Variants in SLC12A6 observed in about 807,000 individuals in gnomAD.
SLC12A6 encodes K-Cl cotransporter 3.
SLC12A6 carries 66 observed loss-of-function variants against 135.3 expected under a neutral mutation model. The observed-to-expected ratio is 0.49, with a 90% confidence interval of 0.40 to 0.60. The LOEUF is 0.60. SLC12A6 is among the 20% of genes least tolerant of loss of function. SLC12A6 has a pLI of 0.00. For missense variants in SLC12A6, 1,058 were observed against 1,452.3 expected (o/e 0.73, Z 4.41); for synonymous variants, 513 against 508.8 (o/e 1.01, Z -0.11).
chr15:34,232,268 C>T lies in SLC12A6; in HGVS notation c.*1613G>A, dbSNP rs563529688. ...CTTTTTGAAACATATCACTCTGTTA[C>T]CCAGGCTGGAGTGCAGAGGTGCAAT... On this transcript the variant is annotated 3_prime_UTR_variant, in exon 26 of 26. Transcript: ENST00000354181. The T allele has an allele frequency of 6.6e-6, 1 of 152,226 alleles. No homozygotes were observed. The highest frequency in any genetic ancestry group is 1.5e-5 in the Non-Finnish European group (1 of 68,068). The allele number at this position is 152,226 out of a possible 1,614,324, so 9.4% of individuals were successfully genotyped here. A position where few individuals can be genotyped will look rare whatever the true frequency, so the allele number is the denominator to read the frequency against.
chr15:34,238,470 G>T, intron 20 of SLC12A6, 69 bp from the exon 21 acceptor site: 1 of 1,184,940 alleles, frequency 8.4e-7, no homozygotes. Context: ...TGTCAGGAAA[G>T]CAAGGAAATG....
chr15:34,309,919 T>C (rs1888032231), intron 2 of SLC12A6, among the ~76,000 whole-genome samples: 1 of 152,184 alleles, frequency 6.6e-6, no homozygotes, highest in Admixed American at 6.5e-5. Flanking sequence ...TTTCAATCAC[T>C]ATAGAAAAGA....
At position 34,239,012 on chromosome 15, in the gene SLC12A6, T is replaced by C. The variant is rs1339636210; in HGVS notation, c.2585A>G (p.Asn862Ser). The C allele has an allele frequency of 1.9e-6, 3 of 1,614,058 alleles. No individual in the cohort carries two copies. Residue 862 changes from asparagine to serine, a missense_variant, in exon 20 of 26, where the codon AAT becomes AGT. This residue lies in a region of SLC12A6 where 245 missense variants were observed against 440.8 expected (regional missense o/e 0.56). Transcript: ENST00000354181. The part of the protein sequence containing the change: ...KHNTVVMGWP[N>S]GWRQSEDARA... ...GGCATCTTCGCTTTGACGCCAGCCATTAGGCCAGCCCATCACCACCGTGTT... is the reference window on the plus strand; with the variant it reads ...GGCATCTTCGCTTTGACGCCAGCCACTAGGCCAGCCCATCACCACCGTGTT...
chr15:34,296,128 T>C (rs1895865323), intron 2 of SLC12A6, among the ~76,000 whole-genome samples: 1 of 152,228 alleles, frequency 6.6e-6, no homozygotes, highest in African/African-American at 2.4e-5. Flanking sequence ...TAAACAATGA[T>C]AATTTAATTC....
chr15:34,234,044 G>A (rs1891091235), intron 25 of SLC12A6, 72 bp from the exon 26 acceptor site: 1 of 811,542 alleles, frequency 1.2e-6, no homozygotes, highest in Middle Eastern at 2.2e-4. Flanking sequence ...ATAATCTGAG[G>A]TTATCTGATC....
At chr15:34,273,730 T>C (rs1000268208) in intron 3 of SLC12A6, among the ~76,000 whole-genome samples, 1 of 152,200 alleles carries the variant, frequency 6.6e-6, no homozygotes, top group African/African-American at 2.4e-5. Flanking sequence ...AAGCCTCAAA[T>C]CAAAGCATAC....
At position 34,254,333 on chromosome 15, in the gene SLC12A6, G is replaced by A. The variant is rs375879691; in HGVS notation, c.1118+15C>T. The A allele has an allele frequency of 6.2e-7, 1 of 1,611,564 alleles. No homozygotes were observed. The highest frequency in any genetic ancestry group is 8.5e-7 in the Non-Finnish European group (1 of 1,178,118). On this transcript the variant is annotated intron_variant, in intron 9 of 25. Coordinates refer to ENST00000354181, the MANE Select transcript of SLC12A6 (RefSeq NM_001365088.1). Reference sequence around the variant, plus strand: ...TACCCAATAAGGATGGCTAGGCAGAGAGACAGACACGTACGGGAAGTGTGG... The same window carrying A: ...TACCCAATAAGGATGGCTAGGCAGAAAGACAGACACGTACGGGAAGTGTGG...
rs1309987107 is a variant in SLC12A6 at position 34,235,431 on chromosome 15, A to T, written c.3228-117T>A. 3.4e-4 allele frequency: 170 copies of T among 503,248 alleles called. 1 individual carries two copies. The highest frequency in any genetic ancestry group is 6.1e-4 in the South Asian group (30 of 49,396). 31.2% of individuals were successfully genotyped at this position (503,248 alleles called of 1,614,324 possible). On this transcript the variant is annotated intron_variant, in intron 24 of 25. Coordinates refer to ENST00000354181, the MANE Select transcript of SLC12A6 (RefSeq NM_001365088.1). ...TGACTATGGATAATCTGATAAAATG[A>T]TTTTTTTTTTTTTTTTTTTTGAGAG...
At chr15:34,239,508 T>C (rs1442413134) in intron 19 of SLC12A6, among the ~76,000 whole-genome samples, 8 of 152,338 alleles carry the variant, frequency 5.3e-5, no homozygotes, top group African/African-American at 1.9e-4. Flanking sequence ...TGATTCACTA[T>C]TGTGAACACG....
chr15:34,238,500 A>T lies in SLC12A6; in HGVS notation c.2633-99T>A, dbSNP rs1347788780. 4 of 887,156 alleles carry T rather than the reference A, an allele frequency of 4.5e-6. No homozygotes were observed. The African/African-American group carries it at 4.9e-5, about 11-fold the overall frequency. 55.0% of individuals were successfully genotyped at this position (887,156 alleles called of 1,614,324 possible). A position where few individuals can be genotyped will look rare whatever the true frequency, so the allele number is the denominator to read the frequency against. On this transcript the variant is annotated intron_variant, in intron 20 of 25. Transcript: ENST00000354181. Reference sequence around the variant, plus strand: ...GAAATGCTCTTTTCACACTTCTTTGAGCAAGGGGTCCTATTTACTTAGTAG... The same window carrying T: ...GAAATGCTCTTTTCACACTTCTTTGTGCAAGGGGTCCTATTTACTTAGTAG...
intron 2 of SLC12A6, among the ~76,000 whole-genome samples, chr15:34,315,559 T>C (rs1888582393): frequency 6.7e-6 from 1 of 149,398 alleles, no homozygotes; most frequent in African/African-American, 2.5e-5. Flanking sequence ...AAATCCTGTC[T>C]TTAAAAAAAA....
chr15:34,261,480 T>G (rs993162914), intron 3 of SLC12A6, among the ~76,000 whole-genome samples: 1 of 152,152 alleles, frequency 6.6e-6, no homozygotes, highest in Non-Finnish European at 1.5e-5. Flanking sequence ...GTATTTTTAA[T>G]AGAGATAGGG....
chr15:34,277,643 T>C (rs1894390417), intron 2 of SLC12A6, among the ~76,000 whole-genome samples: 1 of 152,096 alleles, frequency 6.6e-6, no homozygotes, highest in East Asian at 1.9e-4. Flanking sequence ...TAGAAGAACC[T>C]TGGTCATCAT....
chr15:34,238,841 G>A (rs1891451038), intron 20 of SLC12A6, 124 bp downstream of exon 20: 8 of 853,014 alleles, frequency 9.4e-6, no homozygotes, highest in Admixed American at 1.7e-5. Flanking sequence ...AGTTTTTCAG[G>A]TTGCCTTATA....
At chr15:34,290,720 C>T (rs1446445632) in intron 2 of SLC12A6, among the ~76,000 whole-genome samples, 2 of 152,080 alleles carry the variant, frequency 1.3e-5, no homozygotes, top group Non-Finnish European at 2.9e-5. Flanking sequence ...ATTCCTTTAC[C>T]ATTATGTAAA....
Position 34,255,342 on chromosome 15 carries a change from C to T in SLC12A6, c.796G>A (p.Gly266Arg). Residue 266 changes from glycine (G) to arginine (R), a missense_variant, in exon 8 of 26, where the codon GGG becomes AGG. Around this residue, in one of 6 missense-constraint regions of SLC12A6, gnomAD observed 139 missense variants for 202.2 expected, o/e 0.69. Coordinates refer to ENST00000354181, the MANE Select transcript of SLC12A6 (RefSeq NM_001365088.1). ...AGATAAAAGCAGAGGCCAACAGCCC[C>T]ACCAAACTCTGGGCCCAGTGCCCGG... ...ISRALGPEFG[G>R]AVGLCFYLGT... 1 of 1,609,894 alleles carries T rather than the reference C, an allele frequency of 6.2e-7. No individual in the cohort carries two copies. Among genetic ancestry groups the T allele is most frequent in the Non-Finnish European group, 8.5e-7 (1 of 1,176,102 alleles).
chr15:34,263,149 G>A (rs1463961075), intron 3 of SLC12A6, among the ~76,000 whole-genome samples: 5 of 152,162 alleles, frequency 3.3e-5, no homozygotes, highest in Non-Finnish European at 7.3e-5. Flanking sequence ...GGCAGGCATG[G>A]TGGCTCATGC....
At chr15:34,237,202 A>C (rs1241142385) in intron 22 of SLC12A6, 1 of 504,108 alleles carries the variant, frequency 2.0e-6, no homozygotes, top group Non-Finnish European at 3.6e-6. Flanking sequence ...GCTGTGTAAT[A>C]AACAAGAAAG....
At chr15:34,322,233 T>C (rs1479308668) in intron 2 of SLC12A6, among the ~76,000 whole-genome samples, 1 of 151,996 alleles carries the variant, frequency 6.6e-6, no homozygotes, top group Non-Finnish European at 1.5e-5. Context: ...AAATATAAAT[T>C]AGCTGGGCGT....
Sources: allele counts gnomAD v4.1 joint callset (sites outside exome capture counted in the v4.1 genomes callset), GRCh38; gene constraint gnomAD v4.1.1; regional missense constraint gnomAD v4.1.1; transcripts MANE v1.5; gene names NCBI Gene and HGNC (gene_info 2026-07-23, HGNC 2026-07-21).